Variants in SP100 observed in about 807,000 individuals in gnomAD.
The protein encoded by SP100 is nuclear autoantigen Sp-100.
In SP100, 84 loss-of-function variants were observed where a neutral mutation model predicts 130.0. The observed-to-expected ratio is 0.65, with a 90% CI of 0.54 to 0.77. The LOEUF (loss-of-function observed/expected upper bound fraction) is 0.77. Among genes scored for constraint, SP100 ranks in the 30% least tolerant of loss-of-function variants. The pLI is 0.00. For missense variants in SP100, 978 were observed against 1,052.2 expected, an observed-to-expected ratio of 0.93 and a Z score of 0.97; for synonymous variants, 331 against 351.7, an observed-to-expected ratio of 0.94 and a Z score of 0.66.
Position 230,488,884 on chromosome 2 carries a change from ATGGATATGTTTT to A in SP100, c.1601-5530_1601-5519del, listed in dbSNP as rs529916395. 1.5e-3 allele frequency among the ~76,000 whole-genome samples: 233 copies of A among 152,298 alleles called. 3 individuals carry two copies. The highest frequency in any genetic ancestry group is 5.3e-3 in the African/African-American group (220 of 41,558). ...CAGGGATGAAGCCTACTTGATCATG[ATGGATATGTTTT>A]TTAATGTACTGCTGGATTCAGTTTG... is the stretch of plus-strand genomic sequence containing the variant. On this transcript the variant is annotated intron_variant, in intron 17 of 28. Coordinates refer to ENST00000340126, the MANE Select transcript of SP100 (RefSeq NM_001080391.2).
rs191293161 is a variant in SP100, at chr2:230,504,312, C to T, written c.1870+22C>T. The T allele has an allele frequency of 1.0e-4, 134 of 1,344,022 alleles. No individual in the cohort carries two copies. In the Admixed American group the frequency reaches 1.3e-3, roughly 13 times the overall value. The allele number at this position is 1,344,022 out of a possible 1,614,324, so 83.3% of individuals were successfully genotyped here. On this transcript the variant is annotated intron_variant, in intron 21 of 28. Coordinates refer to ENST00000340126, the MANE Select transcript of SP100 (RefSeq NM_001080391.2). ...CAAGGTGAGTTTACTGGTCCATCTACGATTTTCAGCTGGAAAATATCCACA... is the reference window on the plus strand; with the variant it reads ...CAAGGTGAGTTTACTGGTCCATCTATGATTTTCAGCTGGAAAATATCCACA...
intron 24 of SP100, among the ~76,000 whole-genome samples, chr2:230,528,664 AATAG>A (rs1258945675): frequency 4.6e-5 from 7 of 152,204 alleles, no homozygotes; most frequent in Non-Finnish European, 7.3e-5. Flanking sequence ...AGACCAACAA[AATAG>A]ATAGACCACT....
At chr2:230,449,308 C>T in intron 6 of SP100, 158 bp downstream of exon 6, 3 of 838,168 alleles carry the variant, frequency 3.6e-6, no homozygotes, top group Non-Finnish European at 6.1e-6. Flanking sequence ...AGTCCTTATC[C>T]TCTAGGTTGC....
chr2:230,480,699 G>C (rs2065791287), intron 17 of SP100, among the ~76,000 whole-genome samples: 1 of 152,182 alleles, frequency 6.6e-6, no homozygotes, highest in African/African-American at 2.4e-5. Context: ...TCTGAGGCCT[G>C]AAAAGATCTG....
chr2:230,486,142 G>A (rs1356966284), intron 17 of SP100, among the ~76,000 whole-genome samples: 4 of 152,276 alleles, frequency 2.6e-5, no homozygotes, highest in Admixed American at 6.5e-5. Flanking sequence ...CAATTACAGC[G>A]GAAGGTGAAG....
Position 230,508,031 on chromosome 2 carries a change from G to T in SP100, c.2052G>T (p.Lys684Asn), listed in dbSNP as rs1448953668. 2.5e-6 allele frequency: 4 copies of T among 1,612,198 alleles called. No homozygotes were observed. Among genetic ancestry groups the T allele is most frequent in the Non-Finnish European group, 3.4e-6 (4 of 1,179,172 alleles). Residue 684 changes from lysine (K) to asparagine (N), a missense_variant and splice_region_variant, in exon 23 of 29, where the codon AAG (lysine) becomes AAT (asparagine). Physicochemically the swap from Lys to Asn is moderately conservative, Grantham distance 94 (BLOSUM62 0). Transcript: ENST00000340126. ...FLPEPPSTRK[K>N]RILESHNNTL... The stretch of plus-strand genomic sequence containing the variant: ...CAGAACCACCAAGCACAAGAAAAAA[G>T]GTGATGATCAAGTGATCTTCTGCCA...
rs574794401 is a variant in SP100, at chr2:230,504,161, TG to T, written c.1766-23del. ...TGCACAGTTGTAAAAGTAGATGGAA[TG>T]GAAAAAAAAATGCTTCCTTGCAGGT... On this transcript the variant is annotated intron_variant, in intron 20 of 28. Transcript: ENST00000340126. 2.1e-4 allele frequency: 285 copies of T among 1,352,340 alleles called. 1 individual carries two copies. The African/African-American group carries it at 3.3e-3, about 16-fold the overall frequency. The allele number at this position is 1,352,340 out of a possible 1,614,324, so 83.8% of individuals were successfully genotyped here.
At chr2:230,478,395 T>C (rs1180662078) in intron 17 of SP100, among the ~76,000 whole-genome samples, 2 of 152,230 alleles carry the variant, frequency 1.3e-5, no homozygotes, top group African/African-American at 4.8e-5. Flanking sequence ...AGTAATTTTC[T>C]ATTTTGTGGG....
At position 230,466,327 on chromosome 2, in the gene SP100, A is replaced by G; in HGVS notation, c.1168A>G (p.Thr390Ala). 1 of 1,583,638 alleles carries G rather than the reference A, an allele frequency of 6.3e-7. No individual in the cohort carries two copies. The highest frequency in any genetic ancestry group is 8.7e-7 in the Non-Finnish European group (1 of 1,153,334). Reference sequence around the variant, plus strand: ...GCCCATGGATTTCAGAAAATTATCTACATTCAGAGAAAGTTTTAAGAAAAG... The same window carrying G: ...GCCCATGGATTTCAGAAAATTATCTGCATTCAGAGAAAGTTTTAAGAAAAG... ...PEPMDFRKLS[T>A]FRESFKKRVI... is the part of the protein sequence containing the mutation. Residue 390 changes from threonine (T) to alanine (A), a missense_variant, in exon 12 of 29, where the codon ACA becomes GCA. Physicochemically the swap from Thr to Ala is moderately conservative, Grantham distance 58. Coordinates refer to ENST00000340126, the MANE Select transcript of SP100 (RefSeq NM_001080391.2).
chr2:230,526,631 T>C (rs1389384658), intron 24 of SP100, among the ~76,000 whole-genome samples: 1 of 152,196 alleles, frequency 6.6e-6, no homozygotes, highest in Non-Finnish European at 1.5e-5. Context: ...TAAAAGGTCA[T>C]GTTCTAACCC....
chr2:230,429,709 C>T (rs994994213), intron 2 of SP100, among the ~76,000 whole-genome samples: 5 of 151,858 alleles, frequency 3.3e-5, no homozygotes, highest in Admixed American at 3.3e-4. Context: ...TTTGAGTTCA[C>T]TTAGTCTTTC....
chr2:230,495,233 AACAG>A (rs369233519), intron 18 of SP100, among the ~76,000 whole-genome samples: 11 of 152,352 alleles, frequency 7.2e-5, no homozygotes, highest in African/African-American at 2.6e-4. Context: ...AACATGGAGA[AACAG>A]ACAGAGAGAA....
chr2:230,499,822 A>C (rs2066914977), intron 19 of SP100, among the ~76,000 whole-genome samples: 1 of 152,042 alleles, frequency 6.6e-6, no homozygotes, highest in Non-Finnish European at 1.5e-5. Context: ...CCAGGGACGG[A>C]GGTCCATCTC....
chr2:230,522,334 T>C (rs760521481), intron 24 of SP100, among the ~76,000 whole-genome samples: 6 of 152,122 alleles, frequency 3.9e-5, no homozygotes, highest in African/African-American at 7.2e-5. Context: ...AGCCCCAATA[T>C]TCTTTGGAAT....
At chr2:230,472,055 T>TA (rs2065286683) in intron 15 of SP100, among the ~76,000 whole-genome samples, 1 of 152,030 alleles carries the variant, frequency 6.6e-6, no homozygotes, top group East Asian at 1.9e-4. Flanking sequence ...GTGATGAAAG[T>TA]AATAACCTGT....
chr2:230,484,554 G>T (rs1311537306), intron 17 of SP100, among the ~76,000 whole-genome samples: 1 of 152,134 alleles, frequency 6.6e-6, no homozygotes. Context: ...GGTCCTCTGT[G>T]CCCTCAGTGG....
intron 3 of SP100, among the ~76,000 whole-genome samples, 183 bp from the exon 4 acceptor site, chr2:230,443,995 T>G (rs2063579491): frequency 6.6e-6 from 1 of 152,210 alleles, no homozygotes; most frequent in African/African-American, 2.4e-5. Context: ...CAGTGGGCAT[T>G]TTTAAGGACA....
intron 2 of SP100, among the ~76,000 whole-genome samples, chr2:230,436,890 A>C (rs529195983): frequency 6.7e-6 from 1 of 150,012 alleles, no homozygotes; most frequent in South Asian, 2.1e-4. Context: ...ACACACATAT[A>C]TGTGTATACA....
At chr2:230,494,963 A>G (rs943052975) in intron 18 of SP100, among the ~76,000 whole-genome samples, 1 of 152,222 alleles carries the variant, frequency 6.6e-6, no homozygotes, top group Non-Finnish European at 1.5e-5. Flanking sequence ...ATTATGGGTG[A>G]CAAATAGCAA....
Sources: allele counts gnomAD v4.1 joint callset (sites outside exome capture counted in the v4.1 genomes callset), GRCh38; gene constraint gnomAD v4.1.1; transcripts MANE v1.5; gene names NCBI Gene and HGNC (gene_info 2026-07-23, HGNC 2026-07-21).